The following EYS variants were observed in gnomAD, a reference collection of about 807,000 sequenced individuals.
EYS encodes protein eyes shut homolog.
In EYS, 250 loss-of-function variants were observed where a neutral mutation model predicts 282.1. The ratio of observed to expected loss-of-function variants is 0.89; its 90% CI spans 0.80 to 0.98. The LOEUF (loss-of-function observed/expected upper bound fraction) is 0.98, where lower values mean the gene tolerates loss of function less well. Among genes scored for constraint, EYS ranks in the 50% least tolerant of loss-of-function variants. The pLI, the probability that EYS is intolerant of heterozygous loss-of-function variation, is 0.00. For synonymous variants in EYS, 1,355 were observed against 1,282.9 expected, an observed-to-expected ratio of 1.06 and a Z score of -1.20; for missense variants, 4,016 against 3,709.0, an observed-to-expected ratio of 1.08 and a Z score of -2.15.
intron 31 of EYS, among the ~76,000 whole-genome samples, chr6:64,094,741 GTC>G (rs955091582): frequency 6.6e-6 from 1 of 151,998 alleles, no homozygotes; most frequent in East Asian, 1.9e-4. Context: ...GGTTTTTTGT[GTC>G]TCTCTCTCCT....
intron 29 of EYS, among the ~76,000 whole-genome samples, chr6:64,381,596 A>G (rs1399314346): frequency 6.6e-6 from 1 of 152,044 alleles, no homozygotes; most frequent in Non-Finnish European, 1.5e-5. Context: ...CTGTAAGTGG[A>G]CGTTATTGTT....
At chr6:64,585,491 A>T (rs1001738446) in intron 26 of EYS, among the ~76,000 whole-genome samples, 1 of 152,120 alleles carries the variant, frequency 6.6e-6, no homozygotes, top group Non-Finnish European at 1.5e-5. Context: ...TATTCAGATC[A>T]TTTAATGTTT....
intron 14 of EYS, among the ~76,000 whole-genome samples, chr6:64,993,584 G>C (rs925506682): frequency 9.0e-6 from 1 of 110,660 alleles, no homozygotes. Context: ...TGTGGGGTGG[G>C]GGGAGGGGGG....
At chr6:65,634,139 C>G (rs1382506121) in intron 2 of EYS, among the ~76,000 whole-genome samples, 1 of 152,096 alleles carries the variant, frequency 6.6e-6, no homozygotes, top group African/African-American at 2.4e-5. Flanking sequence ...GTATTGTGAA[C>G]AACACCTGGG....
chr6:64,232,293 C>G (rs575577598), intron 30 of EYS, among the ~76,000 whole-genome samples: 1 of 152,056 alleles, frequency 6.6e-6, no homozygotes, highest in Non-Finnish European at 1.5e-5. Context: ...CCTAACGATG[C>G]TTGATCTCTA....
chr6:65,383,250 T>C (rs1466530640), intron 8 of EYS, among the ~76,000 whole-genome samples: 2 of 152,002 alleles, frequency 1.3e-5, no homozygotes, highest in Non-Finnish European at 2.9e-5. Context: ...ATCTTTTTTT[T>C]AGTTTTCAGC....
At chr6:65,092,462 T>C (rs1206820597) in intron 12 of EYS, among the ~76,000 whole-genome samples, 3 of 152,320 alleles carry the variant, frequency 2.0e-5, no homozygotes. Context: ...TATATGACTA[T>C]GCAATTGCAA....
intron 29 of EYS, among the ~76,000 whole-genome samples, chr6:64,322,479 G>C (rs1323508982): frequency 6.6e-6 from 1 of 151,916 alleles, no homozygotes; most frequent in Non-Finnish European, 1.5e-5. Context: ...ACAGGCTATA[G>C]GGAACTACCA....
chr6:63,820,005 A>G (rs933058677), intron 36 of EYS, among the ~76,000 whole-genome samples: 4 of 152,224 alleles, frequency 2.6e-5, no homozygotes, highest in African/African-American at 7.2e-5. Flanking sequence ...CTTAAGGGAA[A>G]GTCCACATTG....
rs1185809000 is a variant in EYS at position 64,871,413 on chromosome 6, T to C, written c.2992+15284A>G. Among the ~76,000 whole-genome samples, 3 of 151,966 alleles carry C rather than the reference T, an allele frequency of 2.0e-5. No homozygotes were observed. In the East Asian group the frequency reaches 5.8e-4, roughly 29 times the overall value. On this transcript the variant is annotated intron_variant, in intron 19 of 42. Transcript: ENST00000503581. Reference sequence around the variant, plus strand: ...CCCTTTTGAAAAGATTAGGAGGGCATTGTGGTATTGGAGTTAAATGTCTCT... The same window carrying C: ...CCCTTTTGAAAAGATTAGGAGGGCACTGTGGTATTGGAGTTAAATGTCTCT...
intron 31 of EYS, among the ~76,000 whole-genome samples, chr6:64,151,787 ACT>A (rs938556404): frequency 1.3e-5 from 2 of 152,160 alleles, no homozygotes; most frequent in African/African-American, 4.8e-5. Flanking sequence ...TTTGGAGGTG[ACT>A]CTGGAGAAGA....
intron 22 of EYS, among the ~76,000 whole-genome samples, chr6:64,698,870 T>C (rs188992348): frequency 2.0e-5 from 3 of 152,172 alleles, no homozygotes; most frequent in Non-Finnish European, 2.9e-5. Context: ...CTATACACTA[T>C]TGGTGGGAGT....
At chr6:63,777,597 A>G (rs971046144) in intron 40 of EYS, 1 of 158,714 alleles carries the variant, frequency 6.3e-6, no homozygotes, top group African/African-American at 2.4e-5. Context: ...CGTTGGTTTC[A>G]TACTAAAGTA....
At chr6:64,502,415 G>A (rs1222014665) in intron 26 of EYS, among the ~76,000 whole-genome samples, 1 of 152,054 alleles carries the variant, frequency 6.6e-6, no homozygotes, top group African/African-American at 2.4e-5. Flanking sequence ...TAGAGACGGG[G>A]TTTCACCGTA....
At chr6:65,645,471 C>T (rs763779481) in intron 1 of EYS, among the ~76,000 whole-genome samples, 5 of 151,972 alleles carry the variant, frequency 3.3e-5, no homozygotes, top group Non-Finnish European at 7.4e-5. Context: ...ATATTAAAAA[C>T]GTTTTGAACT....
At chr6:64,055,407 G>GA (rs776973611) in intron 33 of EYS, among the ~76,000 whole-genome samples, 157 of 152,134 alleles carry the variant, frequency 1.0e-3, no homozygotes, top group Non-Finnish European at 1.6e-3. Context: ...CTATATAGCA[G>GA]AAAAATGAGT....
chr6:63,930,814 C>T (rs956490217), intron 35 of EYS, among the ~76,000 whole-genome samples: 2 of 151,786 alleles, frequency 1.3e-5, no homozygotes, highest in Non-Finnish European at 2.9e-5. Context: ...GGCCGTGTTT[C>T]CAAACCTTGC....
intron 18 of EYS, among the ~76,000 whole-genome samples, chr6:64,892,288 A>G (rs1767315545): frequency 6.6e-6 from 1 of 151,950 alleles, no homozygotes. Flanking sequence ...AAGTTATTTT[A>G]AAATATAATT....
At chr6:63,986,466 C>T (rs149475247) in intron 34 of EYS, among the ~76,000 whole-genome samples, 14 of 151,720 alleles carry the variant, frequency 9.2e-5, no homozygotes, top group African/African-American at 2.7e-4. Flanking sequence ...TAAAGACACA[C>T]GCACCTGAAT....
Sources: allele counts gnomAD v4.1 joint callset (sites outside exome capture counted in the v4.1 genomes callset), GRCh38; gene constraint gnomAD v4.1.1; transcripts MANE v1.5; gene names NCBI Gene and HGNC (gene_info 2026-07-23, HGNC 2026-07-21).